The following RHCE variants were observed in gnomAD, a reference collection of about 807,000 sequenced individuals.
RHCE encodes Rh blood group CcEe antigens, also known as blood group Rh(CE) polypeptide.
In RHCE, 22 loss-of-function variants were observed where a neutral mutation model predicts 43.8. That is an observed-to-expected ratio of 0.50 (90% CI 0.36 to 0.72). The LOEUF (loss-of-function observed/expected upper bound fraction) is 0.72. Ranked by LOEUF, RHCE falls within the 30% of genes least tolerant of loss-of-function variation. The pLI is 0.00. For missense variants in RHCE, 385 were observed against 525.4 expected (o/e 0.73, Z 2.61); for synonymous variants, 156 against 210.7 (o/e 0.74, Z 2.25).
chr1:25,376,744 C>T (rs1645799631), intron 7 of RHCE, among the ~76,000 whole-genome samples: 1 of 152,032 alleles, frequency 6.6e-6, no homozygotes, highest in Non-Finnish European at 1.5e-5. Flanking sequence ...GAAACCCCTT[C>T]TCTACTAAAA....
Position 25,392,071 on chromosome 1 carries a change from C to T in RHCE, c.557G>A (p.Cys186Tyr), listed in dbSNP as rs760100539. ...TCCCTTGGGTAGAGGCTTTGGCAGGCACCAGGCCACAGTCAGCCCAAAATA... is the reference window on the plus strand; with the variant it reads ...TCCCTTGGGTAGAGGCTTTGGCAGGTACCAGGCCACAGTCAGCCCAAAATA... Reference protein sequence around the residue: ...AAYFGLTVAWCLPKPLPKGTE... With the variant: ...AAYFGLTVAWYLPKPLPKGTE... Residue 186 changes from cysteine to tyrosine, a missense_variant, in exon 4 of 10, where the codon TGC (cysteine) becomes TAC (tyrosine). Coordinates refer to ENST00000294413, the MANE Select transcript of RHCE (RefSeq NM_020485.8). 1.2e-6 allele frequency: 2 copies of T among 1,614,170 alleles called. No homozygotes were observed. The highest frequency in any genetic ancestry group is 3.3e-5 in the Admixed American group (2 of 60,028).
chr1:25,417,950 T>G (rs1318540361), intron 1 of RHCE, among the ~76,000 whole-genome samples: 1 of 152,204 alleles, frequency 6.6e-6, no homozygotes, highest in Non-Finnish European at 1.5e-5. Flanking sequence ...CTGTTTACTA[T>G]TCGGACCTCA....
intron 3 of RHCE, among the ~76,000 whole-genome samples, chr1:25,400,143 C>T (rs1007637273): frequency 6.6e-6 from 1 of 152,156 alleles, no homozygotes. Flanking sequence ...TCCTCTCTAT[C>T]GGATTATTGC....
At chr1:25,382,113 T>A (rs1490772943) in intron 7 of RHCE, among the ~76,000 whole-genome samples, 1 of 150,852 alleles carries the variant, frequency 6.6e-6, no homozygotes, top group Non-Finnish European at 1.5e-5. Flanking sequence ...CTCTTTCTCT[T>A]CTTATAAGTC....
chr1:25,392,087 G>C lies in RHCE; in HGVS notation c.541C>G (p.Leu181Val), dbSNP rs2124430101. Residue 181 changes from leucine to valine, a missense_variant, in exon 4 of 10, where the codon CTG becomes GTG. Leu to Val is a conservative substitution (Grantham distance 32). This residue lies in a region of RHCE where 110 missense variants were observed against 103.4 expected (regional missense o/e 1.06). Coordinates refer to ENST00000294413, the MANE Select transcript of RHCE (RefSeq NM_020485.8). Reference sequence around the variant, plus strand: ...TTTGGCAGGCACCAGGCCACAGTCAGCCCAAAATAGGCTGCGAACACGTAG... The same window carrying C: ...TTTGGCAGGCACCAGGCCACAGTCACCCCAAAATAGGCTGCGAACACGTAG... ...HFYVFAAYFG[L>V]TVAWCLPKPL... is the part of the protein sequence containing the mutation. The C allele has an allele frequency of 1.9e-6, 3 of 1,614,178 alleles. No individual in the cohort carries two copies. The South Asian group carries it at 3.3e-5, about 18-fold the overall frequency.
At chr1:25,393,554 G>A (rs1293262) in intron 3 of RHCE, among the ~76,000 whole-genome samples, 1 of 151,970 alleles carries the variant, frequency 6.6e-6, no homozygotes, top group Non-Finnish European at 1.5e-5. Flanking sequence ...CTGGGAGGCA[G>A]AGGCTGTAGT....
At position 25,387,651 on chromosome 1, in the gene RHCE, T is replaced by C. The variant is rs531243330; in HGVS notation, c.939+1325A>G. On this transcript the variant is annotated intron_variant, in intron 6 of 9. Coordinates refer to ENST00000294413, the MANE Select transcript of RHCE (RefSeq NM_020485.8). ...AGGAGATAAAAGAAATTTGTTCCCC[T>C]TGCAAAGATGAAAATCAGATTTGCC... 3.9e-3 allele frequency among the ~76,000 whole-genome samples: 599 copies of C among 152,288 alleles called. 3 individuals are homozygous for C. Among genetic ancestry groups the C allele is most frequent in the South Asian group, 8.5e-3 (41 of 4,826 alleles).
chr1:25,387,678 T>C (rs1275385192), intron 6 of RHCE, among the ~76,000 whole-genome samples: 1 of 152,228 alleles, frequency 6.6e-6, no homozygotes. Flanking sequence ...AGATTTGCCC[T>C]GGTTTTGGTC....
chr1:25,399,501 A>G (rs1402469188), intron 3 of RHCE, among the ~76,000 whole-genome samples: 7 of 152,120 alleles, frequency 4.6e-5, no homozygotes, highest in African/African-American at 1.7e-4. Context: ...TAATTTCTCA[A>G]TCTCTTAAAG....
intron 1 of RHCE, among the ~76,000 whole-genome samples, chr1:25,416,884 A>T (rs1306355502): frequency 1.6e-5 from 2 of 128,454 alleles, no homozygotes; most frequent in African/African-American, 3.1e-5. Flanking sequence ...AATCCTCCCC[A>T]CTTGGCCTCC....
intron 1 of RHCE, among the ~76,000 whole-genome samples, chr1:25,419,297 T>C (rs958511148): frequency 2.6e-5 from 4 of 152,354 alleles, no homozygotes; most frequent in Admixed American, 2.0e-4. Flanking sequence ...ATGGAATGCA[T>C]TGAATTGTAT....
chr1:25,379,503 T>A (rs1246588185), intron 7 of RHCE, among the ~76,000 whole-genome samples: 690 of 39,022 alleles, frequency 0.018, 9 homozygotes, highest in African/African-American at 0.14. Context: ...ATATTTTTTT[T>A]TTTTTTTTTT....
intron 9 of RHCE, among the ~76,000 whole-genome samples, chr1:25,369,040 C>G (rs1381006438): frequency 6.6e-6 from 1 of 151,762 alleles, no homozygotes; most frequent in South Asian, 2.1e-4. Context: ...GGATTACAGG[C>G]GTGAGCCACC....
chr1:25,384,853 C>T (rs1052808278), intron 7 of RHCE, among the ~76,000 whole-genome samples: 17 of 152,100 alleles, frequency 1.1e-4, no homozygotes, highest in Non-Finnish European at 7.4e-5. Flanking sequence ...CCTCAGTAGG[C>T]GGTTGTGAGA....
intron 7 of RHCE, among the ~76,000 whole-genome samples, chr1:25,382,541 T>C (rs2124380728): frequency 6.6e-6 from 1 of 151,232 alleles, no homozygotes; most frequent in Non-Finnish European, 1.5e-5. Flanking sequence ...TGATGCTGTC[T>C]GGAAAAAGAA....
intron 1 of RHCE, among the ~76,000 whole-genome samples, chr1:25,417,661 T>C (rs913086765): frequency 2.0e-5 from 3 of 152,150 alleles, no homozygotes; most frequent in African/African-American, 7.2e-5. Context: ...TTGAAAATAT[T>C]ATATATTTCA....
At chr1:25,388,621 T>C (rs1457918877) in intron 6 of RHCE, among the ~76,000 whole-genome samples, 1 of 152,040 alleles carries the variant, frequency 6.6e-6, no homozygotes, top group African/African-American at 2.4e-5. Context: ...AGCAGGTCTA[T>C]AGAGTAAGAA....
At chr1:25,395,148 C>T (rs1226342555) in intron 3 of RHCE, among the ~76,000 whole-genome samples, 1 of 142,966 alleles carries the variant, frequency 7.0e-6, no homozygotes, top group African/African-American at 2.7e-5. Flanking sequence ...CTCTTCTTGA[C>T]AGCCATGTTT....
chr1:25,386,637 A>G (rs773003677), intron 6 of RHCE, among the ~76,000 whole-genome samples: 4 of 152,220 alleles, frequency 2.6e-5, no homozygotes, highest in Non-Finnish European at 5.9e-5. Flanking sequence ...CATGGCCAAC[A>G]TGGCGAAACC....
Sources: allele counts gnomAD v4.1 joint callset (sites outside exome capture counted in the v4.1 genomes callset), GRCh38; gene constraint gnomAD v4.1.1; regional missense constraint gnomAD v4.1.1; transcripts MANE v1.5; gene names NCBI Gene and HGNC (gene_info 2026-07-23, HGNC 2026-07-21).